The following RALGPS1 variants were observed in gnomAD, a reference collection of about 807,000 sequenced individuals.
The protein encoded by RALGPS1 is ras-specific guanine nucleotide-releasing factor RalGPS1.
In RALGPS1, 19 loss-of-function variants were observed where a neutral mutation model predicts 78.8. The ratio of observed to expected loss-of-function variants is 0.24; its 90% CI spans 0.17 to 0.35. RALGPS1 has a LOEUF of 0.35. Ranked by LOEUF, RALGPS1 falls within the 10% of genes least tolerant of loss-of-function variation. RALGPS1 has a pLI of 1.00. For missense variants in RALGPS1, 454 were observed against 688.3 expected (o/e 0.66, Z 3.81); for synonymous variants, 228 against 256.3 (o/e 0.89, Z 1.06).
chr9:126,943,796 C>G (rs780508240), intron 1 of RALGPS1, among the ~76,000 whole-genome samples: 1 of 152,216 alleles, frequency 6.6e-6, no homozygotes, highest in African/African-American at 2.4e-5. Flanking sequence ...CAGCTTCCTT[C>G]TTGTTTTAAG....
intron 8 of RALGPS1, among the ~76,000 whole-genome samples, chr9:127,137,351 C>A (rs1312548098): frequency 2.6e-5 from 4 of 152,214 alleles, no homozygotes; most frequent in Non-Finnish European, 5.9e-5. Flanking sequence ...GAGAGAATCT[C>A]CTTTCCTTGA....
intron 14 of RALGPS1, among the ~76,000 whole-genome samples, chr9:127,210,217 G>A (rs997919788): frequency 6.6e-6 from 1 of 152,214 alleles, no homozygotes; most frequent in African/African-American, 2.4e-5. Context: ...GAGCCGCAGA[G>A]GAGACTGTCC....
At chr9:127,076,927 C>T (rs1450450503) in intron 8 of RALGPS1, among the ~76,000 whole-genome samples, 1 of 152,194 alleles carries the variant, frequency 6.6e-6, no homozygotes, top group Non-Finnish European at 1.5e-5. Context: ...ACGAAGATGA[C>T]AGCTTGTGCA....
At chr9:127,108,153 T>C in intron 8 of RALGPS1, 1 of 1,613,984 alleles carries the variant, frequency 6.2e-7, no homozygotes, top group Non-Finnish European at 8.5e-7. Context: ...TGATCTCTGA[T>C]TGGTTGTGGG....
Position 126,918,451 on chromosome 9 carries a change from C to T in RALGPS1, c.-66+3476C>T, listed in dbSNP as rs73587306. On this transcript the variant is annotated intron_variant, in intron 1 of 18. Coordinates refer to ENST00000259351, the MANE Select transcript of RALGPS1 (RefSeq NM_014636.3). ...TCCCAGGCTCAAATGATCCTCCCAC[C>T]GTAGCCTCCCAAGTACTGCGCCACA... Among the ~76,000 whole-genome samples the T allele has an allele frequency of 1.1e-3, 175 of 152,176 alleles. 1 individual carries two copies. The highest frequency in any genetic ancestry group is 4.1e-3 in the African/African-American group (171 of 41,522).
chr9:127,147,820 G>C (rs1426824343), intron 8 of RALGPS1, among the ~76,000 whole-genome samples: 1 of 152,224 alleles, frequency 6.6e-6, no homozygotes, highest in East Asian at 1.9e-4. Flanking sequence ...GTTAGTCACT[G>C]GTGGTGGTGT....
chr9:127,188,707 T>C (rs1023827893), intron 11 of RALGPS1, among the ~76,000 whole-genome samples: 3 of 151,800 alleles, frequency 2.0e-5, no homozygotes, highest in South Asian at 2.1e-4. Flanking sequence ...GGCTCATGCC[T>C]GCAATTCCAG....
Position 127,066,875 on chromosome 9 carries a change from C to T in RALGPS1, c.484-2355C>T, listed in dbSNP as rs182067051. 2.6e-5 allele frequency among the ~76,000 whole-genome samples: 4 copies of T among 152,168 alleles called. No individual in the cohort carries two copies. In the East Asian group the frequency reaches 7.8e-4, roughly 30 times the overall value. On this transcript the variant is annotated intron_variant, in intron 7 of 18. Transcript: ENST00000259351. ...TCACCCAGGCTGGAGTACGGTGGCG[C>T]AATCAAGACTCACTACAGACTCACT...
At chr9:126,958,141 AAAT>A (rs1388489147) in intron 1 of RALGPS1, among the ~76,000 whole-genome samples, 2 of 90,490 alleles carry the variant, frequency 2.2e-5, no homozygotes, top group African/African-American at 3.3e-5. Context: ...AAAAAAAAAA[AAAT>A]ATATATATAT....
chr9:127,113,645 A>G (rs1347651628), intron 8 of RALGPS1, among the ~76,000 whole-genome samples: 1 of 152,236 alleles, frequency 6.6e-6, no homozygotes, highest in Admixed American at 6.5e-5. Flanking sequence ...ATTAAAATAA[A>G]AACGATTCTT....
At chr9:127,033,108 T>A (rs1332484182) in intron 4 of RALGPS1, among the ~76,000 whole-genome samples, 2 of 152,190 alleles carry the variant, frequency 1.3e-5, no homozygotes, top group African/African-American at 4.8e-5. Flanking sequence ...GTCATTGCTA[T>A]TATTTGAGTC....
intron 8 of RALGPS1, among the ~76,000 whole-genome samples, chr9:127,121,825 C>A (rs184332000): frequency 6.6e-6 from 1 of 152,158 alleles, no homozygotes; most frequent in East Asian, 1.9e-4. Context: ...TGTAACTCTC[C>A]GAGCAGGGGC....
intron 1 of RALGPS1, among the ~76,000 whole-genome samples, chr9:126,921,114 G>A (rs192270773): frequency 6.6e-6 from 1 of 152,322 alleles, no homozygotes; most frequent in Non-Finnish European, 1.5e-5. Flanking sequence ...GTAATTATAC[G>A]TGATGCTGTG....
At chr9:127,150,796 G>C (rs2058372920) in intron 8 of RALGPS1, among the ~76,000 whole-genome samples, 1 of 152,192 alleles carries the variant, frequency 6.6e-6, no homozygotes, top group South Asian at 2.1e-4. Flanking sequence ...CTTGCTTTCT[G>C]CCCCAGGGGT....
chr9:127,114,271 G>A (rs2055170022), intron 8 of RALGPS1, among the ~76,000 whole-genome samples: 1 of 152,140 alleles, frequency 6.6e-6, no homozygotes, highest in Non-Finnish European at 1.5e-5. Context: ...ATACTTTTAA[G>A]GCTAACAGCA....
chr9:127,213,644 G>A (rs1246855309), intron 17 of RALGPS1: 1 of 152,618 alleles, frequency 6.6e-6, no homozygotes, highest in African/African-American at 2.4e-5. Flanking sequence ...AGTAACCCAT[G>A]TCACATGACA....
At chr9:127,093,528 G>A (rs551318598) in intron 8 of RALGPS1, among the ~76,000 whole-genome samples, 4 of 152,302 alleles carry the variant, frequency 2.6e-5, no homozygotes, top group South Asian at 2.1e-4. Context: ...CAGAGGAGGC[G>A]CTGGTCCTCA....
intron 4 of RALGPS1, among the ~76,000 whole-genome samples, chr9:126,992,355 G>T (rs1206267406): frequency 6.6e-6 from 1 of 152,096 alleles, no homozygotes; most frequent in Admixed American, 6.6e-5. Flanking sequence ...TCAATATAAT[G>T]AACATACCCA....
chr9:126,958,142 A>AAAAAAAAAAAAAAATATAT (rs113413659), intron 1 of RALGPS1, among the ~76,000 whole-genome samples: 1 of 77,104 alleles, frequency 1.3e-5, no homozygotes, highest in Non-Finnish European at 2.8e-5. Context: ...AAAAAAAAAA[A>AAAAAAAAAAAAAAATATAT]ATATATATAT....
Sources: gnomAD v4.1 joint callset for allele counts (sites outside exome capture counted in the v4.1 genomes callset) on GRCh38, gnomAD v4.1.1 for gene constraint, MANE v1.5 for transcripts, NCBI Gene and HGNC (gene_info 2026-07-23, HGNC 2026-07-21) for gene names.